Variants in MPI observed in about 807,000 individuals in gnomAD.
MPI encodes mannose phosphate isomerase.
Under a neutral mutation model 40.1 loss-of-function variants are expected in MPI, and 33 were observed. That is an observed-to-expected ratio of 0.82 (90% confidence interval 0.62 to 1.10). The LOEUF (loss-of-function observed/expected upper bound fraction) is 1.10, where lower values mean the gene tolerates loss of function less well. MPI is among the 50% of genes least tolerant of loss of function. The probability of loss-of-function intolerance (pLI) is 0.00; values close to 1 mark genes in which losing one functional copy is unlikely to be tolerated. For missense variants in MPI, 514 were observed against 524.1 expected, an observed-to-expected ratio of 0.98 and a Z score of 0.19; for synonymous variants, 187 against 207.4, an observed-to-expected ratio of 0.90 and a Z score of 0.85.
intron 6 of MPI, chr15:74,896,774 TAC>T: frequency 1.6e-6 from 1 of 631,550 alleles, no homozygotes; most frequent in African/African-American, 1.8e-5. Context: ...AGTGGGAGAC[TAC>T]AGAGTTGGGG....
chr15:74,892,657 A>C lies in MPI; in HGVS notation c.346-4A>C. On this transcript the variant is annotated splice_polypyrimidine_tract_variant and splice_region_variant and intron_variant, in intron 3 of 7. Coordinates refer to ENST00000352410, the MANE Select transcript of MPI (RefSeq NM_002435.3). ...ATCCTCCTCTTCCCCTGGCCACCCC[A>C]CAGGAGCTGGCAGAGAAGCTGCACC... The C allele has an allele frequency of 6.2e-7, 1 of 1,614,102 alleles. No individual in the cohort carries two copies. The highest frequency in any genetic ancestry group is 8.5e-7 in the Non-Finnish European group (1 of 1,180,032).
chr15:74,897,383 T>C lies in MPI; in HGVS notation c.1054-129T>C, dbSNP rs57498691. On this transcript the variant is annotated intron_variant, in intron 7 of 7. Coordinates refer to ENST00000352410, the MANE Select transcript of MPI (RefSeq NM_002435.3). Reference sequence around the variant, plus strand: ...TCCTGTACCAGGGACCAGGCCTCTATGCTGACTGAGCCTGGGTTGTGCGAG... The same window carrying C: ...TCCTGTACCAGGGACCAGGCCTCTACGCTGACTGAGCCTGGGTTGTGCGAG... The C allele has an allele frequency of 7.2e-3, 9,317 of 1,292,620 alleles. 413 individuals carry two copies. The Admixed American group carries it at 0.091, about 13-fold the overall frequency. The allele number at this position is 1,292,620 out of a possible 1,614,324, so 80.1% of individuals were successfully genotyped here.
In MPI at chr15:74,897,973, T is replaced by C; in HGVS notation, c.*243T>C. On this transcript the variant is annotated 3_prime_UTR_variant, in exon 8 of 8. Transcript: ENST00000352410. The stretch of plus-strand genomic sequence containing the variant: ...TACTCCCTTTGTCTTCCCTCTCTAC[T>C]CCTCGCTACACCTGAGCCAGGCTCT... 2 of 571,182 alleles carry C rather than the reference T, an allele frequency of 3.5e-6. No homozygotes were observed. The highest frequency in any genetic ancestry group is 6.4e-6 in the Non-Finnish European group (2 of 311,288). The allele number at this position is 571,182 out of a possible 1,614,324, so 35.4% of individuals were successfully genotyped here. A position where few individuals can be genotyped will look rare whatever the true frequency, so the allele number is the denominator to read the frequency against.
Position 74,898,490 on chromosome 15 carries a change from C to T in MPI, c.*760C>T, listed in dbSNP as rs2064856440. ...GCAAGCAGCCCTACAGAGAAGGTGA[C>T]TCAAAGGATACACCAGTCACCAGTG... On this transcript the variant is annotated 3_prime_UTR_variant, in exon 8 of 8. Transcript: ENST00000352410. 6.4e-6 allele frequency: 1 copy of T among 156,196 alleles called. No individual in the cohort carries two copies. Among genetic ancestry groups the T allele is most frequent in the African/African-American group, 2.4e-5 (1 of 41,276 alleles). 9.7% of individuals were successfully genotyped at this position (156,196 alleles called of 1,614,324 possible).
chr15:74,890,391 G>T (rs1226401718), intron 1 of MPI, 136 bp from the exon 2 acceptor site: 2 of 1,130,716 alleles, frequency 1.8e-6, no homozygotes, highest in Admixed American at 3.9e-5. Flanking sequence ...AGCGGAGGGG[G>T]GTCTCATCCA....
chr15:74,900,401 T>C lies in MPI; in HGVS notation c.*2671T>C, dbSNP rs1231416708. On this transcript the variant is annotated 3_prime_UTR_variant, in exon 8 of 8. Transcript: ENST00000352410. ...AACAACGATGCAGAGGGCCTTGGTT[T>C]TGGGGTCCTGCCACCCTCACCCCTA... 2 of 152,264 alleles carry C rather than the reference T, an allele frequency of 1.3e-5. No homozygotes were observed. Among genetic ancestry groups the C allele is most frequent in the East Asian group, 1.9e-4 (1 of 5,208 alleles). The allele number at this position is 152,264 out of a possible 1,614,324, so 9.4% of individuals were successfully genotyped here.
rs1023381946 is a variant in MPI at position 74,898,541 on chromosome 15, C to CT, written c.*825dup. 3,641 of 143,242 alleles carry CT rather than the reference C, an allele frequency of 0.025. 51 individuals carry two copies. Among genetic ancestry groups the CT allele is most frequent in the Admixed American group, 0.033 (476 of 14,310 alleles). The allele number at this position is 143,242 out of a possible 1,614,324, so 8.9% of individuals were successfully genotyped here. On this transcript the variant is annotated 3_prime_UTR_variant, in exon 8 of 8. Coordinates refer to ENST00000352410, the MANE Select transcript of MPI (RefSeq NM_002435.3). The stretch of plus-strand genomic sequence containing the variant: ...CAAGACTCTTCGCTCCTGTTTTTCT[C>CT]TTTTTTTTTTTTTTGAGACGGAGTC...
At chr15:74,896,107 CTGAG>C (rs2064813448) in intron 5 of MPI, 41 bp from the exon 6 acceptor site, 3 of 1,610,518 alleles carry the variant, frequency 1.9e-6, no homozygotes, top group Non-Finnish European at 2.5e-6. Flanking sequence ...ATGAACAGCA[CTGAG>C]TATCCCCCTA....
In MPI at chr15:74,898,161, T is replaced by C. The variant is rs1439049031; in HGVS notation, c.*431T>C. ...GCTGCAGAGGAGGAAAGGGAAAGGG[T>C]AGGCCTGTAGACTAACGCTGTTTAC... is the stretch of plus-strand genomic sequence containing the variant. On this transcript the variant is annotated 3_prime_UTR_variant, in exon 8 of 8. Coordinates refer to ENST00000352410, the MANE Select transcript of MPI (RefSeq NM_002435.3). 2.0e-5 allele frequency: 7 copies of C among 344,750 alleles called. No homozygotes were observed. The highest frequency in any genetic ancestry group is 3.4e-5 in the Non-Finnish European group (6 of 174,540). 21.4% of individuals were successfully genotyped at this position (344,750 alleles called of 1,614,324 possible).
At chr15:74,893,434 G>A (rs755326837) in intron 5 of MPI, 114 bp downstream of exon 5, 56 of 1,250,208 alleles carry the variant, frequency 4.5e-5, no homozygotes, top group Admixed American at 1.9e-4. Context: ...CACTAAAAGG[G>A]GCCCCACTTA....
rs753133485 is a variant in MPI, at chr15:74,890,539, C to T, written c.29C>T (p.Ser10Phe). ...TCTGTGCCCCTAGTATTCCCACTTT[C>T]CTGTGCGGTGCAGCAGTATGCCTGG... MAAPRVFPL[S>F]CAVQQYAWGK... Residue 10 changes from serine to phenylalanine, a missense_variant, in exon 2 of 8, where the codon TCC becomes TTC. Ser to Phe is a radical substitution (Grantham distance 155, BLOSUM62 -2). Transcript: ENST00000352410. The T allele has an allele frequency of 1.2e-6, 2 of 1,614,174 alleles. No homozygotes were observed. Among genetic ancestry groups the T allele is most frequent in the Admixed American group, 1.7e-5 (1 of 60,018 alleles).
Position 74,892,704 on chromosome 15 carries a change from C to T in MPI, c.389C>T (p.Pro130Leu), listed in dbSNP as rs201189076. 1 of 1,614,280 alleles carries T rather than the reference C, an allele frequency of 6.2e-7. No homozygotes were observed. Among genetic ancestry groups the T allele is most frequent in the African/African-American group, 1.3e-5 (1 of 75,082 alleles). Residue 130 changes from proline to leucine, a missense_variant, in exon 4 of 8, where the codon CCC becomes CTC. Transcript: ENST00000352410. ...KLHLQAPQHY[P>L]DANHKPEMAI... ...CACCTCCAGGCTCCGCAGCACTACC[C>T]CGATGCCAACCACAAGCCAGAGATG...
chr15:74,890,138 TG>T, intron 1 of MPI, 49 bp downstream of exon 1: 2 of 1,604,494 alleles, frequency 1.2e-6, no homozygotes. Flanking sequence ...GAGCGCGTCC[TG>T]GGGACGACTC....
At chr15:74,897,454 C>G (rs2064837959) in intron 7 of MPI, 58 bp from the exon 8 acceptor site, 2 of 1,555,970 alleles carry the variant, frequency 1.3e-6, no homozygotes, top group Non-Finnish European at 1.8e-6. Flanking sequence ...GTCCTGGGCC[C>G]ATGAGCTGAT....
intron 5 of MPI, among the ~76,000 whole-genome samples, chr15:74,894,107 T>TGTGTGTGTGTGTGTGTGTGTGAGCCAG (rs1555478772): frequency 6.6e-5 from 4 of 60,998 alleles, no homozygotes; most frequent in Non-Finnish European, 1.9e-4. Flanking sequence ...TGTGTGTGTG[T>TGTGTGTGTGTGTGTGTGTGTGAGCCAG]GGTCTCTTTC....
intron 5 of MPI, among the ~76,000 whole-genome samples, chr15:74,894,107 T>TGAGCCAG (rs1555478772): frequency 0.015 from 940 of 60,956 alleles, 199 homozygotes; most frequent in East Asian, 0.045. Context: ...TGTGTGTGTG[T>TGAGCCAG]GGTCTCTTTC....
Position 74,899,688 on chromosome 15 carries a change from G to A in MPI, c.*1958G>A, listed in dbSNP as rs553986550. ...GTCTCCCGGGCTGGAGTGCAGTGGC[G>A]CGATAGCTCACTGCAACCTCCGCCC... is the stretch of plus-strand genomic sequence containing the variant. On this transcript the variant is annotated 3_prime_UTR_variant, in exon 8 of 8. Transcript: ENST00000352410. 5 of 152,322 alleles carry A rather than the reference G, an allele frequency of 3.3e-5. No individual in the cohort carries two copies. Among genetic ancestry groups the A allele is most frequent in the South Asian group, 2.1e-4 (1 of 4,826 alleles). 9.4% of individuals were successfully genotyped at this position (152,322 alleles called of 1,614,324 possible). A position where few individuals can be genotyped will look rare whatever the true frequency, so the allele number is the denominator to read the frequency against.
intron 2 of MPI, chr15:74,891,036 G>C: frequency 1.8e-6 from 1 of 570,588 alleles, no homozygotes; most frequent in Non-Finnish European, 3.3e-6. Flanking sequence ...ACTGGAAGAT[G>C]TATGTTAACC....
intron 5 of MPI, 90 bp from the exon 6 acceptor site, chr15:74,896,062 A>T (rs1056913712): frequency 1.3e-6 from 2 of 1,495,032 alleles, no homozygotes; most frequent in African/African-American, 2.7e-5. Flanking sequence ...TGTGGCAGGG[A>T]CCTTTTCCTA....
Sources: gnomAD v4.1 joint callset for allele counts (sites outside exome capture counted in the v4.1 genomes callset) on GRCh38, gnomAD v4.1.1 for gene constraint, MANE v1.5 for transcripts, NCBI Gene and HGNC (gene_info 2026-07-23, HGNC 2026-07-21) for gene names.